The following TPRX2 variants were observed in gnomAD, a reference collection of about 807,000 sequenced individuals.
The protein encoded by TPRX2 is tetrapeptide repeat homeobox 2, also known as tetrapeptide repeat homeobox protein 2.
the TPRX2 span, among the ~76,000 whole-genome samples, chr19:47,860,637 C>T: frequency 6.6e-6 from 1 of 151,302 alleles, no homozygotes; most frequent in Non-Finnish European, 1.5e-5. Flanking sequence ...TCCCCTCCCT[C>T]TTCCCTCCCT....
the TPRX2 span, chr19:47,860,423 T>C: frequency 1.5e-6 from 1 of 679,274 alleles, no homozygotes; most frequent in South Asian, 1.7e-5. Flanking sequence ...CCGGGCTGCA[T>C]CCTGAGTCCT....
chr19:47,859,839 G>A, the TPRX2 span, among the ~76,000 whole-genome samples: 1 of 151,100 alleles, frequency 6.6e-6, no homozygotes, highest in African/African-American at 2.4e-5. Flanking sequence ...GGGGCAGCTG[G>A]GGAGGGCTGA....
the TPRX2 span, chr19:47,861,029 C>A: frequency 1.1e-6 from 1 of 901,562 alleles, no homozygotes; most frequent in Non-Finnish European, 1.8e-6. Context: ...CGAAGATCTA[C>A]AGCCTCCCCC....
chr19:47,860,741 G>A, the TPRX2 span: 6 of 1,489,018 alleles, frequency 4.0e-6, no homozygotes, highest in Admixed American at 2.2e-5. Context: ...CCCCCGAGCG[G>A]CTCACCCGGG....
the TPRX2 span, among the ~76,000 whole-genome samples, chr19:47,859,544 T>C: frequency 0.022 from 3,236 of 145,556 alleles, 154 homozygotes; most frequent in African/African-American, 0.083. Flanking sequence ...TGGAGACCCG[T>C]CTTTAGCAAA....
At chr19:47,859,497 T>C in the TPRX2 span, among the ~76,000 whole-genome samples, 4 of 150,342 alleles carry the variant, frequency 2.7e-5, no homozygotes, top group East Asian at 7.8e-4. Flanking sequence ...GAGGATCACT[T>C]GAGCCCGGGA....
the TPRX2 span, chr19:47,860,029 C>T: frequency 1.5e-6 from 2 of 1,372,330 alleles, no homozygotes; most frequent in South Asian, 2.5e-5. Flanking sequence ...GCCTGGGCTC[C>T]TGGCCTGGCG....
chr19:47,860,896 G>A, the TPRX2 span: 1 of 1,531,086 alleles, frequency 6.5e-7, no homozygotes, highest in East Asian at 2.4e-5. Context: ...CGAGGAGCCC[G>A]CGCTGCGCCC....
chr19:47,861,631 T>A, the TPRX2 span: 1 of 560,208 alleles, frequency 1.8e-6, no homozygotes, highest in East Asian at 5.7e-5. Context: ...CAGGTGGACA[T>A]TTGCTGTCTT....
chr19:47,860,767 C>T, the TPRX2 span: 3 of 1,526,494 alleles, frequency 2.0e-6, no homozygotes, highest in Non-Finnish European at 2.6e-6. Flanking sequence ...CGAGTCCCTC[C>T]TTCACACCTT....
At chr19:47,861,670 C>T in the TPRX2 span, among the ~76,000 whole-genome samples, 6 of 152,212 alleles carry the variant, frequency 3.9e-5, no homozygotes, top group Admixed American at 1.3e-4. Context: ...GGTGGCTCTG[C>T]TGTGAATGTG....
the TPRX2 span, among the ~76,000 whole-genome samples, chr19:47,859,385 G>A: frequency 6.7e-3 from 1,012 of 150,736 alleles, 48 homozygotes; most frequent in African/African-American, 0.023. Context: ...TTCCTGTCCT[G>A]CAGACGGGGG....
chr19:47,861,263 C>A, the TPRX2 span: 1 of 519,466 alleles, frequency 1.9e-6, no homozygotes, highest in South Asian at 1.5e-5. Flanking sequence ...CAGACCCAGT[C>A]CTAGGCCGAA....
chr19:47,860,366 C>A, the TPRX2 span: 1 of 671,824 alleles, frequency 1.5e-6, no homozygotes, highest in African/African-American at 1.9e-5. Context: ...CCTGGCCCGC[C>A]CGACCACCTC....
chr19:47,860,669 G>A, the TPRX2 span: 1 of 979,926 alleles, frequency 1.0e-6, no homozygotes, highest in Non-Finnish European at 1.5e-6. Flanking sequence ...GGGAGCCGGG[G>A]GCCCTCATAT....
the TPRX2 span, chr19:47,860,326 G>A: frequency 4.5e-6 from 5 of 1,118,660 alleles, no homozygotes; most frequent in Non-Finnish European, 6.0e-6. Flanking sequence ...TCACCCCAAG[G>A]AGCCTCCCCA....
At chr19:47,859,493 C>T in the TPRX2 span, among the ~76,000 whole-genome samples, 2 of 150,414 alleles carry the variant, frequency 1.3e-5, no homozygotes, top group African/African-American at 2.5e-5. Context: ...GTGGGAGGAT[C>T]ACTTGAGCCC....
At chr19:47,859,504 G>A in the TPRX2 span, among the ~76,000 whole-genome samples, 1 of 150,100 alleles carries the variant, frequency 6.7e-6, no homozygotes, top group Non-Finnish European at 1.5e-5. Flanking sequence ...ACTTGAGCCC[G>A]GGACTCTGAA....
At chr19:47,860,127 C>T in the TPRX2 span, 14 of 1,393,124 alleles carry the variant, frequency 1.0e-5, no homozygotes, top group African/African-American at 1.2e-4. Flanking sequence ...TCCCCTGGCC[C>T]TGGACCCTCC....
Sources: allele counts gnomAD v4.1 joint callset (sites outside exome capture counted in the v4.1 genomes callset), GRCh38; gene constraint gnomAD v4.1.1; transcripts MANE v1.5; gene names NCBI Gene and HGNC (gene_info 2026-07-23, HGNC 2026-07-21).